SDK2: variants seen among roughly 807,000 people sequenced by gnomAD.
SDK2 encodes sidekick cell adhesion molecule 2, also known as protein sidekick-2.
A neutral mutation model predicts 253.9 loss-of-function variants in SDK2; 105 were observed. The ratio of observed to expected loss-of-function variants is 0.41; its 90% CI spans 0.35 to 0.49. The LOEUF is 0.49. Among genes scored for constraint, SDK2 ranks in the 20% least tolerant of loss-of-function variants. The pLI, the probability that SDK2 is intolerant of heterozygous loss-of-function variation, is 0.06. For synonymous variants in SDK2, 1,249 were observed against 1,234.9 expected (o/e 1.01, Z -0.24); for missense variants, 2,608 against 3,003.0 (o/e 0.87, Z 3.07).
rs190402367 is a variant in SDK2, at chr17:73,487,412, A to T, written c.225-15194T>A. 1.1e-3 allele frequency among the ~76,000 whole-genome samples: 171 copies of T among 152,288 alleles called. 3 individuals are homozygous for T. The Middle Eastern group carries it at 0.041, about 36-fold the overall frequency. On this transcript the variant is annotated intron_variant, in intron 2 of 44. Transcript: ENST00000392650. ...CCAGGGGGCTGAAGACACTGGCAAG[A>T]GGGAGGCTGAGATGGTGATGACTGG...
At chr17:73,600,724 A>G (rs1477383353) in intron 1 of SDK2, among the ~76,000 whole-genome samples, 2 of 152,212 alleles carry the variant, frequency 1.3e-5, no homozygotes, top group Non-Finnish European at 2.9e-5. Context: ...GCCCATCAAG[A>G]GGCATTTATT....
intron 44 of SDK2, among the ~76,000 whole-genome samples, chr17:73,344,467 G>A (rs1053227508): frequency 6.6e-6 from 1 of 152,160 alleles, no homozygotes; most frequent in Non-Finnish European, 1.5e-5. Context: ...AAGCAAGCTG[G>A]CTCTAGATTT....
rs1235783679 is a variant in SDK2, at chr17:73,639,030, G to A, written c.64+4995C>T. Among the ~76,000 whole-genome samples, 2 of 152,046 alleles carry A rather than the reference G, an allele frequency of 1.3e-5. No individual in the cohort carries two copies. Among genetic ancestry groups the A allele is most frequent in the African/African-American group, 2.4e-5 (1 of 41,402 alleles). ...TCCCCACGTTGGCCAGGCTGGTCTC[G>A]AACTCCTGACCTCAAGTGATCTGCC... On this transcript the variant is annotated intron_variant, in intron 1 of 44. Transcript: ENST00000392650. The surrounding 1 kb of genome is among the most constrained non-coding windows in gnomAD (Gnocchi z 4.3).
chr17:73,535,664 C>T (rs1299987927), intron 1 of SDK2, among the ~76,000 whole-genome samples: 2 of 152,186 alleles, frequency 1.3e-5, no homozygotes, highest in East Asian at 1.9e-4. Flanking sequence ...ATCAGTGGGA[C>T]ATCATGGGCT....
chr17:73,375,581 G>A (rs1218248370), intron 36 of SDK2, among the ~76,000 whole-genome samples: 1 of 152,172 alleles, frequency 6.6e-6, no homozygotes, highest in African/African-American at 2.4e-5. Context: ...AACCCTGGCT[G>A]GGCACAGTGG....
intron 18 of SDK2, among the ~76,000 whole-genome samples, chr17:73,408,766 T>C (rs1361507177): frequency 1.3e-5 from 2 of 152,068 alleles, no homozygotes; most frequent in African/African-American, 4.8e-5. Context: ...ATAGATCGAC[T>C]GAGACCTAAA....
intron 36 of SDK2, among the ~76,000 whole-genome samples, chr17:73,373,270 G>C (rs957471395): frequency 6.6e-6 from 1 of 152,160 alleles, no homozygotes; most frequent in South Asian, 2.1e-4. Context: ...TCCATTCACA[G>C]ACACTCAGGC....
chr17:73,483,055 A>G (rs1474046716), intron 2 of SDK2, among the ~76,000 whole-genome samples: 1 of 152,062 alleles, frequency 6.6e-6, no homozygotes, highest in Admixed American at 6.6e-5. Context: ...TTTCAGGCCC[A>G]TGTGACCCCA....
intron 27 of SDK2, among the ~76,000 whole-genome samples, chr17:73,392,479 GGCTGGTCTT>G (rs1179758879): frequency 2.6e-5 from 4 of 152,040 alleles, no homozygotes; most frequent in African/African-American, 9.7e-5. Flanking sequence ...ATGTTGGCCA[GGCTGGTCTT>G]GAACTCCTGA....
Position 73,455,262 on chromosome 17 carries a change from G to A in SDK2, c.479+644C>T, listed in dbSNP as rs888130401. On this transcript the variant is annotated intron_variant, in intron 4 of 44. Transcript: ENST00000392650. The surrounding 1 kb of genome is among the most constrained non-coding windows in gnomAD (Gnocchi z 5.0). ...GGCTCAGGAGGGCGGGGAGACGGGT[G>A]TATCTCGGGAGGAACTGCTTTGTTG... Among the ~76,000 whole-genome samples, 1 of 152,166 alleles carries A rather than the reference G, an allele frequency of 6.6e-6. No individual in the cohort carries two copies. Among genetic ancestry groups the A allele is most frequent in the African/African-American group, 2.4e-5 (1 of 41,450 alleles).
chr17:73,404,992 C>T (rs12952457), intron 18 of SDK2, among the ~76,000 whole-genome samples: 29,231 of 151,218 alleles, frequency 0.19, 3,356 homozygotes, highest in African/African-American at 0.32. Context: ...GTCACTTGAC[C>T]ACTCTGAGCC....
At position 73,456,004 on chromosome 17, in the gene SDK2, T is replaced by C. The variant is rs918845171; in HGVS notation, c.381A>G (p.Gly127=). ...EGEKHQSVSH[G]EAAVIRAPRI... is the part of the protein sequence containing the mutation. ...GCGGGGCACGGATGACAGCTGCTTC[T>C]CCGTGGGAGACGCTCTGGTGCTTCT... Residue 127 remains glycine (G), a synonymous_variant, in exon 4 of 45, where the codon GGA becomes GGG. Coordinates refer to ENST00000392650, the MANE Select transcript of SDK2 (RefSeq NM_001144952.2). 31 of 1,545,096 alleles carry C rather than the reference T, an allele frequency of 2.0e-5. 1 individual carries two copies. The Middle Eastern group carries it at 1.5e-3, about 75-fold the overall frequency.
chr17:73,631,314 C>T (rs1422673287), intron 1 of SDK2, among the ~76,000 whole-genome samples: 2 of 152,210 alleles, frequency 1.3e-5, no homozygotes, highest in Non-Finnish European at 1.5e-5. Context: ...CAGAAAGGAA[C>T]TCCAAATGGG....
intron 36 of SDK2, among the ~76,000 whole-genome samples, chr17:73,377,631 CTTTTT>C (rs1160933749): frequency 7.2e-6 from 1 of 138,560 alleles, no homozygotes; most frequent in Admixed American, 7.3e-5. Context: ...CTGCTGCCTG[CTTTTT>C]TTTTTTTTTT....
chr17:73,496,193 TG>T lies in SDK2; in HGVS notation c.224+11244del, dbSNP rs1482883376. On this transcript the variant is annotated intron_variant, in intron 2 of 44. Transcript: ENST00000392650. The surrounding 1 kb of genome is among the most constrained non-coding windows in gnomAD (Gnocchi z 4.7). ...CATCCTTTCCATTGATGGAGCCATC[TG>T]TGACCAGACACTCTTCTGCACGCTT... 6.6e-6 allele frequency among the ~76,000 whole-genome samples: 1 copy of T among 152,216 alleles called. No homozygotes were observed. Among genetic ancestry groups the T allele is most frequent in the Non-Finnish European group, 1.5e-5 (1 of 68,034 alleles).
chr17:73,590,457 A>G (rs2145897885), intron 1 of SDK2, among the ~76,000 whole-genome samples: 1 of 152,362 alleles, frequency 6.6e-6, no homozygotes, highest in Non-Finnish European at 1.5e-5. Flanking sequence ...CCTGCTGTGC[A>G]ACACCATTGC....
chr17:73,405,886 AT>A (rs60372970), intron 18 of SDK2, among the ~76,000 whole-genome samples: 7,270 of 147,650 alleles, frequency 0.049, 573 homozygotes, highest in African/African-American at 0.17. Context: ...CGCCCGGCTA[AT>A]TTTTTTTTTG....
intron 41 of SDK2, 101 bp from the exon 42 acceptor site, chr17:73,350,891 A>G: frequency 3.2e-6 from 4 of 1,260,098 alleles, no homozygotes; most frequent in Non-Finnish European, 4.4e-6. Context: ...ATCTATGGGA[A>G]GGCAGGGTCT....
chr17:73,472,576 G>A (rs534925430), intron 2 of SDK2, among the ~76,000 whole-genome samples: 2 of 152,266 alleles, frequency 1.3e-5, no homozygotes, highest in African/African-American at 4.8e-5. Flanking sequence ...AAAGGTGGGG[G>A]CATTTTTTTT....
Sources: gnomAD v4.1 joint callset for allele counts (sites outside exome capture counted in the v4.1 genomes callset) on GRCh38, gnomAD v4.1.1 for gene constraint, Gnocchi (gnomAD v3.1) non-coding constraint, MANE v1.5 for transcripts, NCBI Gene and HGNC (gene_info 2026-07-23, HGNC 2026-07-21) for gene names.